Variants in PCDHGA4 observed in about 807,000 individuals in gnomAD.
The protein encoded by PCDHGA4 is protocadherin gamma-A4.
PCDHGA4 carries 38 observed loss-of-function variants against 54.6 expected under a neutral mutation model. The observed-to-expected ratio is 0.70, with a 90% CI of 0.54 to 0.91. PCDHGA4 has a LOEUF of 0.91. PCDHGA4 is among the 40% of genes least tolerant of loss of function. PCDHGA4 has a pLI of 0.00. For synonymous variants in PCDHGA4, 511 were observed against 512.9 expected (o/e 1.00, Z 0.05); for missense variants, 1,298 against 1,220.9 (o/e 1.06, Z -0.94).
intron 1 of PCDHGA4, chr5:141,421,450 C>A (rs1193440607): frequency 2.5e-6 from 4 of 1,614,126 alleles, no homozygotes; most frequent in Non-Finnish European, 3.4e-6. Flanking sequence ...GAAGACACAG[C>A]TTTTCGCTGT....
At chr5:141,414,916 C>T in intron 1 of PCDHGA4, 2 of 1,614,194 alleles carry the variant, frequency 1.2e-6, no homozygotes, top group Non-Finnish European at 1.7e-6. Context: ...AGGCGTGGAG[C>T]TGGCGCCCCG....
At chr5:141,403,125 A>G (rs755647554) in intron 1 of PCDHGA4, 2 of 1,614,028 alleles carry the variant, frequency 1.2e-6, no homozygotes. Context: ...GAGCCCCGGG[A>G]GCTGGCGGAG....
intron 2 of PCDHGA4, among the ~76,000 whole-genome samples, chr5:141,500,329 C>G (rs1384834356): frequency 6.6e-6 from 1 of 151,986 alleles, no homozygotes; most frequent in Non-Finnish European, 1.5e-5. Flanking sequence ...CTGCCTCAGC[C>G]TCCAGAATAG....
chr5:141,433,408 A>T lies in PCDHGA4; in HGVS notation c.2515-61399A>T, dbSNP rs1052180455. On this transcript the variant is annotated intron_variant, in intron 1 of 3. Coordinates refer to ENST00000571252, the MANE Select transcript of PCDHGA4 (RefSeq NM_018917.4). Reference sequence around the variant, plus strand: ...CTATCTATCTATCTATCTATCTATTACTTTCTTGTACAGACAGGAGTCTCA... The same window carrying T: ...CTATCTATCTATCTATCTATCTATTTCTTTCTTGTACAGACAGGAGTCTCA... 4.2e-3 allele frequency among the ~76,000 whole-genome samples: 537 copies of T among 127,344 alleles called. 4 individuals carry two copies. The highest frequency in any genetic ancestry group is 0.015 in the African/African-American group (523 of 34,010). 83.5% of individuals were successfully genotyped at this position (127,344 alleles called of 152,430 possible). A position where few individuals can be genotyped will look rare whatever the true frequency, so the allele number is the denominator to read the frequency against.
Position 141,486,674 on chromosome 5 carries a change from G to A in PCDHGA4, c.2515-8133G>A. On this transcript the variant is annotated intron_variant, in intron 1 of 3. Transcript: ENST00000571252. This position sits in a 1 kb window ranked among gnomAD's most constrained non-coding sequence, Gnocchi z 5.0. ...CTCACTCCTGGAGCCCAGGAATCGA[G>A]ATGTATCAGCTTCCTCTTTCATCTC... The A allele has an allele frequency of 1.9e-6, 3 of 1,614,080 alleles. No individual in the cohort carries two copies. Among genetic ancestry groups the A allele is most frequent in the Non-Finnish European group, 2.5e-6 (3 of 1,180,036 alleles).
intron 1 of PCDHGA4, among the ~76,000 whole-genome samples, chr5:141,443,594 T>C (rs1040469046): frequency 1.3e-5 from 2 of 152,234 alleles, no homozygotes; most frequent in Non-Finnish European, 2.9e-5. Flanking sequence ...CAGAATGTGG[T>C]ATATGAAATG....
rs769187557 is a variant in PCDHGA4, at chr5:141,433,087, A to C, written c.2515-61720A>C. 2.5e-6 allele frequency: 4 copies of C among 1,614,206 alleles called. No homozygotes were observed. In the Admixed American group the frequency reaches 6.7e-5, roughly 27 times the overall value. On this transcript the variant is annotated intron_variant, in intron 1 of 3. Transcript: ENST00000571252. The stretch of plus-strand genomic sequence containing the variant: ...TGATCTTCCCCCAGCCCAACTATGC[A>C]GACATGCTCGTCAGCCAGGAGAGCT...
intron 1 of PCDHGA4, chr5:141,388,690 A>T: frequency 6.2e-7 from 1 of 1,614,030 alleles, no homozygotes; most frequent in Middle Eastern, 1.6e-4. Context: ...GCCACGGACC[A>T]GGATGAGGGT....
At position 141,403,597 on chromosome 5, in the gene PCDHGA4, G is replaced by T. The variant is rs772486529; in HGVS notation, c.2514+45976G>T. On this transcript the variant is annotated intron_variant, in intron 1 of 3. Transcript: ENST00000571252. ...CCCACCACCTGGTCCTCACGGCCTC[G>T]GATGGCGGCGAGCCGCGTCGCTCCA... The T allele has an allele frequency of 1.3e-5, 21 of 1,613,692 alleles. No individual in the cohort carries two copies. The African/African-American group carries it at 2.5e-4, about 19-fold the overall frequency.
intron 1 of PCDHGA4, among the ~76,000 whole-genome samples, chr5:141,436,884 G>T (rs1041906146): frequency 6.6e-6 from 1 of 152,190 alleles, no homozygotes; most frequent in Non-Finnish European, 1.5e-5. Context: ...AAAAGATGGG[G>T]GAAAGATTTT....
chr5:141,502,383 G>A (rs941410477), intron 2 of PCDHGA4, among the ~76,000 whole-genome samples: 2 of 151,846 alleles, frequency 1.3e-5, no homozygotes, highest in African/African-American at 4.8e-5. Context: ...CAGGCCAGTT[G>A]TACTTTAAAA....
intron 1 of PCDHGA4, chr5:141,409,037 T>A: frequency 3.7e-6 from 6 of 1,613,992 alleles, no homozygotes; most frequent in Non-Finnish European, 5.1e-6. Context: ...TGAGATAAAC[T>A]ACTACTTCCG....
chr5:141,421,353 G>C, intron 1 of PCDHGA4: 1 of 1,613,998 alleles, frequency 6.2e-7, no homozygotes, highest in Non-Finnish European at 8.5e-7. Flanking sequence ...AGACCGAAAA[G>C]GGCTCCTTCG....
Position 141,487,562 on chromosome 5 carries a change from G to C in PCDHGA4, c.2515-7245G>C. The stretch of plus-strand genomic sequence containing the variant: ...GAAGTCACCCAGTGCACCTATGGCA[G>C]GGGAGCCTGTTCGCCCAAGCTGCCC... On this transcript the variant is annotated intron_variant, in intron 1 of 3. Coordinates refer to ENST00000571252, the MANE Select transcript of PCDHGA4 (RefSeq NM_018917.4). The surrounding 1 kb of genome is among the most constrained non-coding windows in gnomAD (Gnocchi z 5.0). The C allele has an allele frequency of 6.2e-7, 1 of 1,614,178 alleles. No homozygotes were observed.
At position 141,408,231 on chromosome 5, in the gene PCDHGA4, G is replaced by C. The variant is rs775180708; in HGVS notation, c.2514+50610G>C. 1.0e-5 allele frequency: 16 copies of C among 1,567,976 alleles called. No individual in the cohort carries two copies. The highest frequency in any genetic ancestry group is 1.2e-5 in the Non-Finnish European group (14 of 1,156,162). ...GGAGGGAGCTGCGCGCAGAGGCGCC[G>C]GGCCGGCCCGCGGCAGGTGCTATTT... is the stretch of plus-strand genomic sequence containing the variant. On this transcript the variant is annotated intron_variant, in intron 1 of 3. Transcript: ENST00000571252.
At position 141,374,269 on chromosome 5, in the gene PCDHGA4, C is replaced by T. The variant is rs372510702; in HGVS notation, c.2514+16648C>T. The stretch of plus-strand genomic sequence containing the variant: ...TGGAGCCCCAGGAGTTGGCGGAGCA[C>T]GGAGTCCGCATCGTCTCCAGAGGTA... On this transcript the variant is annotated intron_variant, in intron 1 of 3. Transcript: ENST00000571252. 9.5e-5 allele frequency: 154 copies of T among 1,614,002 alleles called. No homozygotes were observed. In the African/African-American group the frequency reaches 1.8e-3, roughly 19 times the overall value.
intron 1 of PCDHGA4, chr5:141,430,857 A>C (rs748992376): frequency 1.9e-6 from 3 of 1,591,316 alleles, no homozygotes; most frequent in Non-Finnish European, 2.6e-6. Flanking sequence ...CAGATACGCT[A>C]TTCAGTTCCG....
intron 1 of PCDHGA4, chr5:141,392,820 G>C (rs1474865202): frequency 1.3e-6 from 2 of 1,592,748 alleles, no homozygotes; most frequent in Admixed American, 3.6e-5. Context: ...AACAATGGCC[G>C]CTCCACAGAG....
intron 1 of PCDHGA4, chr5:141,422,413 GAA>G (rs753790858): frequency 6.2e-7 from 1 of 1,604,644 alleles, no homozygotes; most frequent in South Asian, 1.1e-5. Flanking sequence ...TTTTAAATTA[GAA>G]AAGACTTATG....
Sources: gnomAD v4.1 joint callset for allele counts (sites outside exome capture counted in the v4.1 genomes callset) on GRCh38, gnomAD v4.1.1 for gene constraint, Gnocchi (gnomAD v3.1) non-coding constraint, MANE v1.5 for transcripts, NCBI Gene and HGNC (gene_info 2026-07-23, HGNC 2026-07-21) for gene names.